DCC: variants seen among roughly 807,000 people sequenced by gnomAD.
The protein encoded by DCC is DCC netrin 1 receptor.
In DCC, 58 loss-of-function variants were observed where a neutral mutation model predicts 172.5. The observed-to-expected ratio is 0.34, with a 90% confidence interval of 0.27 to 0.42. The LOEUF (loss-of-function observed/expected upper bound fraction) is 0.42, where lower values mean the gene tolerates loss of function less well. Among genes scored for constraint, DCC ranks in the 10% least tolerant of loss-of-function variants. The probability of loss-of-function intolerance (pLI) is 1.00; values close to 1 mark genes in which losing one functional copy is unlikely to be tolerated. For missense variants in DCC, 1,740 were observed against 1,791.0 expected, an observed-to-expected ratio of 0.97 and a Z score of 0.51; for synonymous variants, 709 against 644.5, an observed-to-expected ratio of 1.10 and a Z score of -1.52.
At chr18:52,789,858 C>CT (rs563418977) in intron 2 of DCC, among the ~76,000 whole-genome samples, 82 of 152,250 alleles carry the variant, frequency 5.4e-4, no homozygotes, top group African/African-American at 1.8e-3. Flanking sequence ...ATAATAGCCC[C>CT]TTCTGAAGAT....
In DCC at chr18:52,906,207, G is replaced by T; in HGVS notation, c.576G>T (p.Leu192Phe). The T allele has an allele frequency of 6.2e-7, 1 of 1,613,880 alleles. No individual in the cohort carries two copies. The highest frequency in any genetic ancestry group is 8.5e-7 in the Non-Finnish European group (1 of 1,179,946). ...PIPGDSRVVV[L>F]PSGALQISRL... Reference sequence around the variant, plus strand: ...CAGGTGACTCCCGAGTGGTGGTCTTGCCCTCTGGAGCATTGCAGATCAGCC... The same window carrying T: ...CAGGTGACTCCCGAGTGGTGGTCTTTCCCTCTGGAGCATTGCAGATCAGCC... The change falls in exon 3 of 29, where the codon TTG becomes TTT. Residue 192 changes from leucine to phenylalanine, a missense_variant. Leu to Phe is a conservative substitution (Grantham distance 22, BLOSUM62 0). Transcript: ENST00000442544.
chr18:52,560,786 G>A (rs141900396), intron 1 of DCC, among the ~76,000 whole-genome samples: 81 of 152,270 alleles, frequency 5.3e-4, no homozygotes, highest in Non-Finnish European at 1.0e-3. Context: ...ATTTGGATGT[G>A]AGAATGTGGT....
chr18:52,584,321 C>T (rs528780036), intron 1 of DCC, among the ~76,000 whole-genome samples: 44 of 152,220 alleles, frequency 2.9e-4, no homozygotes, highest in African/African-American at 1.1e-3. Context: ...GAAGACTGCT[C>T]ATTGGACGAA....
chr18:52,558,324 C>T (rs977802021), intron 1 of DCC, among the ~76,000 whole-genome samples: 17 of 151,886 alleles, frequency 1.1e-4, no homozygotes, highest in East Asian at 9.6e-4. Context: ...TTATGAATAA[C>T]GCTATATTTA....
chr18:52,557,367 A>G (rs2032940338), intron 1 of DCC, among the ~76,000 whole-genome samples: 1 of 152,200 alleles, frequency 6.6e-6, no homozygotes, highest in African/African-American at 2.4e-5. Context: ...AGATACATAT[A>G]TTACCTTATT....
At chr18:52,366,506 A>G (rs1384448329) in intron 1 of DCC, among the ~76,000 whole-genome samples, 1 of 152,132 alleles carries the variant, frequency 6.6e-6, no homozygotes, top group African/African-American at 2.4e-5. Context: ...AGCTAGATAC[A>G]AAGGTTCTCC....
intron 1 of DCC, among the ~76,000 whole-genome samples, chr18:52,500,009 C>G (rs2030957718): frequency 6.6e-6 from 1 of 152,094 alleles, no homozygotes; most frequent in Non-Finnish European, 1.5e-5. Context: ...CCTTTCCCAG[C>G]CTCCATTCTT....
chr18:53,257,083 A>G (rs7230202), intron 12 of DCC, among the ~76,000 whole-genome samples: 9,091 of 152,272 alleles, frequency 0.06, 860 homozygotes, highest in African/African-American at 0.2. Flanking sequence ...ACTTTGCTGA[A>G]GTTGCCTATT....
chr18:53,185,514 T>C (rs1018047521), intron 9 of DCC, among the ~76,000 whole-genome samples: 1 of 152,218 alleles, frequency 6.6e-6, no homozygotes, highest in African/African-American at 2.4e-5. Context: ...AATAGCCCTA[T>C]TCCAACTTCT....
intron 8 of DCC, among the ~76,000 whole-genome samples, chr18:53,162,652 G>A (rs1429188304): frequency 6.6e-6 from 1 of 151,998 alleles, no homozygotes; most frequent in African/African-American, 2.4e-5. Context: ...GTCTGCCTAG[G>A]ATGTTCTTCT....
chr18:52,353,132 C>A (rs755446828), intron 1 of DCC, among the ~76,000 whole-genome samples: 7 of 152,130 alleles, frequency 4.6e-5, no homozygotes, highest in Non-Finnish European at 8.8e-5. Flanking sequence ...GCAAGCTATG[C>A]CAACATCAAA....
At chr18:52,673,971 T>C (rs1174525178) in intron 1 of DCC, among the ~76,000 whole-genome samples, 2 of 152,164 alleles carry the variant, frequency 1.3e-5, no homozygotes, top group Non-Finnish European at 2.9e-5. Flanking sequence ...ATCTCACCTA[T>C]GGTCTTTTAT....
intron 1 of DCC, among the ~76,000 whole-genome samples, chr18:52,604,278 C>T (rs185478986): frequency 7.1e-4 from 108 of 152,114 alleles, no homozygotes; most frequent in Non-Finnish European, 1.2e-3. Context: ...TCTGTCAGTC[C>T]CATCTCAATA....
At chr18:52,694,519 T>G (rs973285744) in intron 1 of DCC, among the ~76,000 whole-genome samples, 1 of 152,144 alleles carries the variant, frequency 6.6e-6, no homozygotes, top group African/African-American at 2.4e-5. Context: ...TCAAAGGAAG[T>G]GTTGTACGCA....
chr18:53,095,866 G>T (rs1486958507), intron 7 of DCC, among the ~76,000 whole-genome samples: 1 of 138,386 alleles, frequency 7.2e-6, no homozygotes, highest in Non-Finnish European at 1.5e-5. Flanking sequence ...TCTAAAATGT[G>T]TGCATACAGA....
intron 2 of DCC, among the ~76,000 whole-genome samples, chr18:52,778,304 C>T (rs2037470534): frequency 1.3e-5 from 2 of 152,086 alleles, no homozygotes; most frequent in Admixed American, 1.3e-4. Context: ...GTAACACTTT[C>T]TTCAGTTGCA....
chr18:52,929,130 T>TA, intron 5 of DCC, among the ~76,000 whole-genome samples: 1 of 151,974 alleles, frequency 6.6e-6, no homozygotes, highest in East Asian at 1.9e-4. Context: ...GGGAAGAAAA[T>TA]ATCAGTATTG....
chr18:53,504,027 TTGTC>T (rs1181700398), intron 27 of DCC, among the ~76,000 whole-genome samples: 1 of 152,238 alleles, frequency 6.6e-6, no homozygotes, highest in African/African-American at 2.4e-5. Flanking sequence ...GTGCTTTAAT[TTGTC>T]TGAGGACTGA....
intron 5 of DCC, among the ~76,000 whole-genome samples, chr18:53,044,657 C>T (rs147589245): frequency 6.9e-4 from 105 of 151,948 alleles, no homozygotes; most frequent in African/African-American, 2.5e-3. Flanking sequence ...ATTTCTGCCC[C>T]ACCTGAAATT....
Sources: gnomAD v4.1 joint callset for allele counts (sites outside exome capture counted in the v4.1 genomes callset) on GRCh38, gnomAD v4.1.1 for gene constraint, MANE v1.5 for transcripts, NCBI Gene and HGNC (gene_info 2026-07-23, HGNC 2026-07-21) for gene names.